Variants in SEZ6L observed in about 807,000 individuals in gnomAD.
The protein encoded by SEZ6L is seizure related 6 homolog like.
A neutral mutation model predicts 106.2 loss-of-function variants in SEZ6L; 37 were observed. That is an observed-to-expected ratio of 0.35 (90% CI 0.27 to 0.46). The LOEUF is 0.46. Ranked by LOEUF, SEZ6L falls within the 20% of genes least tolerant of loss-of-function variation. The pLI is 1.00. For synonymous variants in SEZ6L, 541 were observed against 570.4 expected (o/e 0.95, Z 0.73); for missense variants, 1,172 against 1,332.8 (o/e 0.88, Z 1.88).
intron 13 of SEZ6L, among the ~76,000 whole-genome samples, chr22:26,371,627 G>A (rs554611866): frequency 6.6e-5 from 10 of 150,738 alleles, no homozygotes; most frequent in Admixed American, 4.0e-4. Context: ...GCAAGACTCT[G>A]TCTTAAAAAA....
Position 26,351,210 on chromosome 22 carries a change from C to G in SEZ6L, c.2566C>G (p.Pro856Ala). ...CTGCTACAGCCGTGAAACAGGGACTCCCATCTGGACGTCTCGCCTGCCCCA... is the reference window on the plus strand; with the variant it reads ...CTGCTACAGCCGTGAAACAGGGACTGCCATCTGGACGTCTCGCCTGCCCCA... Reference protein sequence around the residue: ...LTCYSRETGTPIWTSRLPHCV... With the variant: ...LTCYSRETGTAIWTSRLPHCV... The change falls in exon 12 of 17, where the codon CCC (proline) becomes GCC (alanine). Residue 856 changes from proline (P) to alanine (A), a missense_variant. Coordinates refer to ENST00000248933, the MANE Select transcript of SEZ6L (RefSeq NM_021115.5). 6.2e-7 allele frequency: 1 copy of G among 1,614,100 alleles called. No individual in the cohort carries two copies. The highest frequency in any genetic ancestry group is 8.5e-7 in the Non-Finnish European group (1 of 1,179,992).
chr22:26,233,838 C>G (rs917380959), intron 1 of SEZ6L, among the ~76,000 whole-genome samples: 1 of 152,122 alleles, frequency 6.6e-6, no homozygotes, highest in African/African-American at 2.4e-5. Flanking sequence ...GGTAGTCCCC[C>G]ATAGAAGGTG....
At chr22:26,222,208 A>G (rs970415501) in intron 1 of SEZ6L, among the ~76,000 whole-genome samples, 4 of 152,216 alleles carry the variant, frequency 2.6e-5, no homozygotes, top group East Asian at 1.9e-4. Flanking sequence ...ATTCTGGTGC[A>G]TGCTCAGGGA....
intron 1 of SEZ6L, among the ~76,000 whole-genome samples, chr22:26,177,475 A>C (rs577252228): frequency 6.6e-6 from 1 of 152,332 alleles, no homozygotes; most frequent in East Asian, 1.9e-4. Context: ...CCTGTGCCTA[A>C]GCTCATTTCA....
intron 1 of SEZ6L, among the ~76,000 whole-genome samples, chr22:26,247,130 TC>T (rs1242118316): frequency 6.6e-6 from 1 of 152,190 alleles, no homozygotes. Flanking sequence ...CTGGCTGTGT[TC>T]TTTTTGCCCA....
chr22:26,282,721 C>T (rs2080812242), intron 1 of SEZ6L, among the ~76,000 whole-genome samples: 1 of 152,166 alleles, frequency 6.6e-6, no homozygotes, highest in Admixed American at 6.5e-5. Flanking sequence ...GTGCCAGTAT[C>T]CAGCTGCCCC....
At chr22:26,310,404 G>A (rs1171587003) in intron 6 of SEZ6L, among the ~76,000 whole-genome samples, 5 of 152,170 alleles carry the variant, frequency 3.3e-5, no homozygotes, top group African/African-American at 1.2e-4. Flanking sequence ...GGCATGGTGG[G>A]ACACACCTGT....
At chr22:26,177,463 G>T (rs1939094003) in intron 1 of SEZ6L, among the ~76,000 whole-genome samples, 2 of 152,314 alleles carry the variant, frequency 1.3e-5, no homozygotes, top group Admixed American at 6.5e-5. Flanking sequence ...GCAATTGTTT[G>T]CCCTGTGCCT....
intron 14 of SEZ6L, among the ~76,000 whole-genome samples, chr22:26,374,791 G>A (rs1257696785): frequency 1.3e-5 from 2 of 152,218 alleles, no homozygotes; most frequent in East Asian, 3.9e-4. Flanking sequence ...AAGCTATGCT[G>A]GGAAAGCAGC....
chr22:26,287,875 CT>C, intron 1 of SEZ6L, among the ~76,000 whole-genome samples: 1 of 152,320 alleles, frequency 6.6e-6, no homozygotes, highest in East Asian at 1.9e-4. Context: ...ATAGTAGGGA[CT>C]GAGAGATGAA....
intron 9 of SEZ6L, among the ~76,000 whole-genome samples, chr22:26,329,575 C>A (rs1192865590): frequency 1.3e-5 from 2 of 152,258 alleles, no homozygotes. Context: ...GACATGGTTT[C>A]TTGGCCTGTC....
chr22:26,181,938 C>G (rs1569358380), intron 1 of SEZ6L, among the ~76,000 whole-genome samples: 2 of 152,198 alleles, frequency 1.3e-5, no homozygotes, highest in African/African-American at 2.4e-5. Context: ...ACAGCAAGAG[C>G]TCAGTCGTGA....
intron 1 of SEZ6L, among the ~76,000 whole-genome samples, chr22:26,178,367 G>A (rs930691799): frequency 2.0e-5 from 3 of 152,194 alleles, no homozygotes; most frequent in African/African-American, 7.2e-5. Context: ...TCCCTCCTAG[G>A]CTTCCTCACT....
chr22:26,381,965 T>C lies in SEZ6L; in HGVS notation c.*1670T>C, dbSNP rs981010927. The C allele has an allele frequency of 3.9e-6, 2 of 514,164 alleles. No individual in the cohort carries two copies. Among genetic ancestry groups the C allele is most frequent in the Non-Finnish European group, 7.8e-6 (2 of 257,668 alleles). The allele number at this position is 514,164 out of a possible 1,614,324, so 31.9% of individuals were successfully genotyped here. ...GGAGTCTATGTTTTGGTGGTTACAT[T>C]GGAAACATCTTAAGCAAGATAGGGA... On this transcript the variant is annotated 3_prime_UTR_variant, in exon 17 of 17. Transcript: ENST00000248933.
At chr22:26,353,028 A>G (rs535120653) in intron 12 of SEZ6L, among the ~76,000 whole-genome samples, 61 of 152,254 alleles carry the variant, frequency 4.0e-4, no homozygotes, top group African/African-American at 1.4e-3. Flanking sequence ...GTGAGAGAAA[A>G]ATTTCCATTT....
chr22:26,257,086 C>G (rs1261027424), intron 1 of SEZ6L, among the ~76,000 whole-genome samples: 1 of 152,132 alleles, frequency 6.6e-6, no homozygotes, highest in Non-Finnish European at 1.5e-5. Context: ...ATCCCCACAA[C>G]AGGTGGGGTG....
chr22:26,324,014 G>T (rs969765296), intron 9 of SEZ6L, among the ~76,000 whole-genome samples: 8 of 150,986 alleles, frequency 5.3e-5, no homozygotes, highest in African/African-American at 2.0e-4. Flanking sequence ...TTAGGATGTG[G>T]CCAAGTCAGG....
In SEZ6L at chr22:26,194,314, C is replaced by T. The variant is rs117573479; in HGVS notation, c.94+24551C>T. 8.8e-3 allele frequency among the ~76,000 whole-genome samples: 1,339 copies of T among 152,218 alleles called. 9 individuals carry two copies. The highest frequency in any genetic ancestry group is 0.014 in the Non-Finnish European group (984 of 68,006). ...TCTTTTTGGCCTTTACAAAAGCAAA[C>T]GTTATTTGCAGTGGGATGCAAATGG... On this transcript the variant is annotated intron_variant, in intron 1 of 16. Transcript: ENST00000248933.
chr22:26,275,229 T>C (rs545605898), intron 1 of SEZ6L, among the ~76,000 whole-genome samples: 1 of 152,350 alleles, frequency 6.6e-6, no homozygotes, highest in South Asian at 2.1e-4. Context: ...GCAAAAGAGA[T>C]ACGTATTCAG....
Sources: gnomAD v4.1 joint callset for allele counts (sites outside exome capture counted in the v4.1 genomes callset) on GRCh38, gnomAD v4.1.1 for gene constraint, MANE v1.5 for transcripts, NCBI Gene and HGNC (gene_info 2026-07-23, HGNC 2026-07-21) for gene names.